The following PDE3A variants were observed in gnomAD, a reference collection of about 807,000 sequenced individuals.
The protein encoded by PDE3A is phosphodiesterase 3A.
In PDE3A, 43 loss-of-function variants were observed where a neutral mutation model predicts 98.3. That is an observed-to-expected ratio of 0.44 (90% CI 0.34 to 0.56). The LOEUF (loss-of-function observed/expected upper bound fraction) is 0.56, where lower values mean the gene tolerates loss of function less well. Ranked by LOEUF, PDE3A falls within the 20% of genes least tolerant of loss-of-function variation. The probability of loss-of-function intolerance (pLI) is 0.01; values close to 1 mark genes in which losing one functional copy is unlikely to be tolerated. For synonymous variants in PDE3A, 663 were observed against 567.9 expected (o/e 1.17, Z -2.38); for missense variants, 1,427 against 1,440.7 (o/e 0.99, Z 0.15).
intron 1 of PDE3A, among the ~76,000 whole-genome samples, chr12:20,555,554 C>T (rs1194834040): frequency 6.6e-6 from 1 of 152,166 alleles, no homozygotes; most frequent in Non-Finnish European, 1.5e-5. Flanking sequence ...ACTTATTCAT[C>T]TGACATAACT....
chr12:20,427,156 C>A (rs1411842985), intron 1 of PDE3A, among the ~76,000 whole-genome samples: 2 of 152,166 alleles, frequency 1.3e-5, no homozygotes, highest in Admixed American at 1.3e-4. Flanking sequence ...TGATTTCATG[C>A]ATGTCAGCAA....
intron 1 of PDE3A, among the ~76,000 whole-genome samples, chr12:20,433,242 A>G (rs986197916): frequency 7.9e-5 from 12 of 152,176 alleles, no homozygotes; most frequent in African/African-American, 2.4e-4. Flanking sequence ...ACTGGCTCAC[A>G]TGGGAGAGGA....
intron 2 of PDE3A, among the ~76,000 whole-genome samples, chr12:20,592,387 G>A (rs1006287574): frequency 2.0e-5 from 3 of 152,146 alleles, no homozygotes; most frequent in Admixed American, 1.3e-4. Flanking sequence ...AAAGGAATTC[G>A]AACACCATAT....
At chr12:20,458,817 T>A (rs975552652) in intron 1 of PDE3A, among the ~76,000 whole-genome samples, 11 of 152,142 alleles carry the variant, frequency 7.2e-5, no homozygotes, top group Non-Finnish European at 1.5e-5. Context: ...GTCCATTTTT[T>A]GCATGGATAC....
At position 20,688,312 on chromosome 12, in the gene PDE3A, C is replaced by T. The variant is rs201241188; in HGVS notation, c.*8041C>T. On this transcript the variant is annotated 3_prime_UTR_variant, in exon 16 of 16. Transcript: ENST00000359062. Reference sequence around the variant, plus strand: ...TCATCCCATCACAAGTATTGTTAGGCGACTTAGTGGCGGAGAAATGTTTGT... The same window carrying T: ...TCATCCCATCACAAGTATTGTTAGGTGACTTAGTGGCGGAGAAATGTTTGT... Among the ~76,000 whole-genome samples the T allele has an allele frequency of 4.0e-5, 6 of 151,574 alleles. No homozygotes were observed. The highest frequency in any genetic ancestry group is 1.9e-4 in the East Asian group (1 of 5,162).
At chr12:20,586,690 G>T (rs1228772678) in intron 2 of PDE3A, among the ~76,000 whole-genome samples, 1 of 152,132 alleles carries the variant, frequency 6.6e-6, no homozygotes, top group South Asian at 2.1e-4. Flanking sequence ...GTTAATATTA[G>T]AATGTTTAAC....
chr12:20,546,738 G>A (rs980919666), intron 1 of PDE3A, among the ~76,000 whole-genome samples: 4 of 151,874 alleles, frequency 2.6e-5, no homozygotes, highest in African/African-American at 4.8e-5. Flanking sequence ...ATATGTAAAG[G>A]GACAATAAAA....
At position 20,654,859 on chromosome 12, in the gene PDE3A, A is replaced by G. The variant is rs968839577; in HGVS notation, c.3184+654A>G. ...TAAAAGTGAAAGAATTTCAGTTACC[A>G]TAAAGACCAGTCATAGGTTTTTATT... On this transcript the variant is annotated intron_variant, in intron 15 of 15. Transcript: ENST00000359062. Among the ~76,000 whole-genome samples the G allele has an allele frequency of 2.4e-4, 36 of 152,026 alleles. 1 individual carries two copies. Among genetic ancestry groups the G allele is most frequent in the Admixed American group, 1.8e-3 (28 of 15,248 alleles).
At chr12:20,628,259 T>C (rs1158006637) in intron 5 of PDE3A, among the ~76,000 whole-genome samples, 2 of 152,186 alleles carry the variant, frequency 1.3e-5, no homozygotes, top group African/African-American at 4.8e-5. Context: ...GACTGGGAAA[T>C]TCTGAGTTAA....
At chr12:20,673,812 A>G (rs1945557901) in intron 15 of PDE3A, among the ~76,000 whole-genome samples, 1 of 151,380 alleles carries the variant, frequency 6.6e-6, no homozygotes. Flanking sequence ...ACTAACCTGC[A>G]CAATGTGCAC....
intron 1 of PDE3A, among the ~76,000 whole-genome samples, chr12:20,472,569 T>G (rs1482063004): frequency 9.5e-6 from 1 of 105,352 alleles, no homozygotes; most frequent in African/African-American, 4.0e-5. Context: ...CCCTCAGGGG[T>G]TTTATTAATC....
intron 1 of PDE3A, among the ~76,000 whole-genome samples, chr12:20,378,675 T>C (rs1943614081): frequency 6.6e-6 from 1 of 151,780 alleles, no homozygotes; most frequent in Non-Finnish European, 1.5e-5. Flanking sequence ...TTTAGAGTTC[T>C]TGAAGAAGCT....
At chr12:20,456,751 T>A (rs1945159361) in intron 1 of PDE3A, among the ~76,000 whole-genome samples, 1 of 152,138 alleles carries the variant, frequency 6.6e-6, no homozygotes, top group African/African-American at 2.4e-5. Context: ...AGTTTAATAA[T>A]CCTTTATAGC....
intron 1 of PDE3A, among the ~76,000 whole-genome samples, chr12:20,520,091 C>T (rs1489571156): frequency 1.3e-5 from 2 of 152,134 alleles, no homozygotes; most frequent in East Asian, 3.9e-4. Context: ...CTGTGAATTG[C>T]ACCATAGTCA....
intron 15 of PDE3A, among the ~76,000 whole-genome samples, chr12:20,676,463 T>C (rs12811837): frequency 0.059 from 8,908 of 151,610 alleles, 304 homozygotes; most frequent in African/African-American, 0.092. Context: ...TAGATACTTT[T>C]CTTTTGCTGT....
intron 15 of PDE3A, among the ~76,000 whole-genome samples, chr12:20,659,738 C>T (rs962666135): frequency 6.6e-6 from 1 of 152,168 alleles, no homozygotes; most frequent in Non-Finnish European, 1.5e-5. Context: ...CCATAGCCAG[C>T]ATGAACTATT....
intron 1 of PDE3A, among the ~76,000 whole-genome samples, chr12:20,482,550 A>G: frequency 6.6e-6 from 1 of 152,226 alleles, no homozygotes; most frequent in East Asian, 1.9e-4. Flanking sequence ...GCTGAGCTAT[A>G]ATACACATTA....
intron 1 of PDE3A, among the ~76,000 whole-genome samples, chr12:20,412,438 G>A (rs938391694): frequency 1.3e-5 from 2 of 152,096 alleles, no homozygotes; most frequent in African/African-American, 4.8e-5. Flanking sequence ...GAATCACACG[G>A]ACAACTTTTT....
intron 15 of PDE3A, among the ~76,000 whole-genome samples, chr12:20,657,711 C>A (rs932765968): frequency 6.6e-6 from 1 of 152,120 alleles, no homozygotes; most frequent in Non-Finnish European, 1.5e-5. Flanking sequence ...CTCTAATCTA[C>A]GCAAATTTAT....
Sources: gnomAD v4.1 joint callset for allele counts (sites outside exome capture counted in the v4.1 genomes callset) on GRCh38, gnomAD v4.1.1 for gene constraint, MANE v1.5 for transcripts, NCBI Gene and HGNC (gene_info 2026-07-23, HGNC 2026-07-21) for gene names.